Variants in SPAG16 observed in about 807,000 individuals in gnomAD.
The protein encoded by SPAG16 is sperm associated antigen 16, also known as sperm-associated antigen 16 protein.
Under a neutral mutation model 80.4 loss-of-function variants are expected in SPAG16, and 86 were observed. That is an observed-to-expected ratio of 1.07 (90% CI 0.90 to 1.28). The LOEUF (loss-of-function observed/expected upper bound fraction) is 1.28, where lower values mean the gene tolerates loss of function less well. Ranked by LOEUF, SPAG16 falls within the 50% of genes most tolerant of loss-of-function variation. The pLI is 0.00. For missense variants in SPAG16, 870 were observed against 765.3 expected, an observed-to-expected ratio of 1.14 and a Z score of -1.61; for synonymous variants, 294 against 265.9, an observed-to-expected ratio of 1.11 and a Z score of -1.03.
chr2:213,790,639 C>T (rs1280151713), intron 10 of SPAG16, among the ~76,000 whole-genome samples: 1 of 151,734 alleles, frequency 6.6e-6, no homozygotes, highest in Non-Finnish European at 1.5e-5. Flanking sequence ...CAATTATATA[C>T]AATGTGAGCA....
At chr2:213,599,049 AATG>A (rs2060974468) in intron 10 of SPAG16, among the ~76,000 whole-genome samples, 1 of 152,212 alleles carries the variant, frequency 6.6e-6, no homozygotes, top group African/African-American at 2.4e-5. Flanking sequence ...ATTAAATTTT[AATG>A]ATATGTTTAT....
intron 14 of SPAG16, among the ~76,000 whole-genome samples, chr2:214,119,398 A>G (rs1201346764): frequency 1.3e-5 from 2 of 152,172 alleles, no homozygotes; most frequent in Non-Finnish European, 2.9e-5. Context: ...CCAAAAAAGG[A>G]AGATGACAGT....
chr2:214,043,589 G>A (rs2049152374), intron 13 of SPAG16, among the ~76,000 whole-genome samples: 1 of 152,052 alleles, frequency 6.6e-6, no homozygotes, highest in Non-Finnish European at 1.5e-5. Flanking sequence ...AATGGAAATG[G>A]GGAAAAAACT....
chr2:214,385,038 G>T (rs1006178105), intron 15 of SPAG16, among the ~76,000 whole-genome samples: 7 of 152,196 alleles, frequency 4.6e-5, no homozygotes, highest in African/African-American at 1.4e-4. Context: ...CTATCAAATG[G>T]TATTGAAAAT....
intron 15 of SPAG16, among the ~76,000 whole-genome samples, chr2:214,243,838 C>T (rs780322830): frequency 6.6e-6 from 1 of 152,022 alleles, no homozygotes; most frequent in Non-Finnish European, 1.5e-5. Flanking sequence ...TCCTTCTACC[C>T]ATAGCCCTTC....
intron 9 of SPAG16, among the ~76,000 whole-genome samples, chr2:213,393,145 G>A (rs2125304005): frequency 6.6e-6 from 1 of 151,550 alleles, no homozygotes; most frequent in East Asian, 1.9e-4. Context: ...CCTATTTTTG[G>A]ATTATGCATG....
intron 8 of SPAG16, among the ~76,000 whole-genome samples, chr2:213,366,345 A>G (rs973314034): frequency 1.3e-5 from 2 of 152,128 alleles, no homozygotes; most frequent in Non-Finnish European, 2.9e-5. Context: ...CATAAAGAGA[A>G]CCACTCCTGA....
At chr2:213,435,788 G>A (rs929114331) in intron 9 of SPAG16, among the ~76,000 whole-genome samples, 1 of 152,100 alleles carries the variant, frequency 6.6e-6, no homozygotes, top group African/African-American at 2.4e-5. Context: ...GTTTTAATGT[G>A]TTCCATTAAA....
At chr2:213,630,043 C>T (rs1282309252) in intron 10 of SPAG16, among the ~76,000 whole-genome samples, 2 of 152,182 alleles carry the variant, frequency 1.3e-5, no homozygotes, top group Admixed American at 1.3e-4. Flanking sequence ...TTCCCATCAT[C>T]CATATAACCA....
chr2:214,245,453 AG>A (rs747899666), intron 15 of SPAG16, among the ~76,000 whole-genome samples: 1 of 152,180 alleles, frequency 6.6e-6, no homozygotes, highest in African/African-American at 2.4e-5. Flanking sequence ...TGTTTAAAAA[AG>A]GTATTAAAGA....
chr2:213,702,335 C>T (rs529476453), intron 10 of SPAG16, among the ~76,000 whole-genome samples: 2 of 152,218 alleles, frequency 1.3e-5, no homozygotes, highest in South Asian at 2.1e-4. Context: ...TCTTTTCATG[C>T]TGTGGAAGGT....
chr2:214,257,460 G>A (rs2125862786), intron 15 of SPAG16, among the ~76,000 whole-genome samples: 1 of 152,054 alleles, frequency 6.6e-6, no homozygotes, highest in East Asian at 1.9e-4. Context: ...CCCCATTATA[G>A]GTTAAAACAC....
At chr2:213,556,207 T>C (rs957918821) in intron 10 of SPAG16, among the ~76,000 whole-genome samples, 8 of 147,136 alleles carry the variant, frequency 5.4e-5, no homozygotes, top group Non-Finnish European at 8.9e-5. Flanking sequence ...AATAACAAAA[T>C]GGCAGTAGTA....
intron 3 of SPAG16, among the ~76,000 whole-genome samples, chr2:213,309,362 C>T (rs1289137855): frequency 6.6e-6 from 1 of 152,050 alleles, no homozygotes; most frequent in Non-Finnish European, 1.5e-5. Context: ...GACTGACTTC[C>T]ATGTGGAATA....
intron 1 of SPAG16, among the ~76,000 whole-genome samples, chr2:213,295,517 A>G (rs1192736990): frequency 2.0e-5 from 3 of 152,152 alleles, no homozygotes; most frequent in Non-Finnish European, 4.4e-5. Context: ...AGATACATGG[A>G]AAAGTAAAAT....
At chr2:213,470,679 C>T (rs186547020) in intron 9 of SPAG16, among the ~76,000 whole-genome samples, 3 of 152,340 alleles carry the variant, frequency 2.0e-5, no homozygotes, top group African/African-American at 7.2e-5. Context: ...CTCCAATCCT[C>T]CCATCATGGC....
At chr2:214,149,640 A>G (rs2055877524) in intron 15 of SPAG16, among the ~76,000 whole-genome samples, 1 of 152,126 alleles carries the variant, frequency 6.6e-6, no homozygotes, top group Non-Finnish European at 1.5e-5. Flanking sequence ...TTTAGCAAAA[A>G]TGAACCTGAA....
At chr2:213,905,637 G>T (rs777874658) in intron 11 of SPAG16, among the ~76,000 whole-genome samples, 22 of 152,116 alleles carry the variant, frequency 1.4e-4, no homozygotes, top group South Asian at 6.2e-4. Context: ...AAAATTTCCT[G>T]CCCCCTATGT....
intron 12 of SPAG16, among the ~76,000 whole-genome samples, chr2:213,996,369 C>T (rs2046513413): frequency 6.6e-6 from 1 of 152,050 alleles, no homozygotes; most frequent in South Asian, 2.1e-4. Context: ...GAAATTAAAT[C>T]ATATTTAAGA....
Sources: allele counts gnomAD v4.1 joint callset (sites outside exome capture counted in the v4.1 genomes callset), GRCh38; gene constraint gnomAD v4.1.1; transcripts MANE v1.5; gene names NCBI Gene and HGNC (gene_info 2026-07-23, HGNC 2026-07-21).